Variants in NPL observed in about 807,000 individuals in gnomAD.
The protein encoded by NPL is N-acetylneuraminate lyase.
NPL carries 32 observed loss-of-function variants against 41.1 expected under a neutral mutation model. The ratio of observed to expected loss-of-function variants is 0.78; its 90% CI spans 0.59 to 1.05. NPL has a LOEUF of 1.05. Ranked by LOEUF, NPL falls within the 50% of genes least tolerant of loss-of-function variation. NPL has a pLI of 0.00. For missense variants in NPL, 321 were observed against 378.4 expected (o/e 0.85, Z 1.26); for synonymous variants, 128 against 134.9 (o/e 0.95, Z 0.35).
chr1:182,812,912 T>G (rs1049142765), intron 6 of NPL, among the ~76,000 whole-genome samples: 5 of 152,026 alleles, frequency 3.3e-5, no homozygotes, highest in Non-Finnish European at 5.9e-5. Context: ...GCACACACTT[T>G]GGGAGGCCGA....
chr1:182,794,329 A>G, intron 2 of NPL, 27 bp from the exon 3 acceptor site: 2 of 1,580,550 alleles, frequency 1.3e-6, no homozygotes, highest in Non-Finnish European at 1.7e-6. Flanking sequence ...TTGAAGAAAG[A>G]GAGAAATTAC....
Position 182,818,522 on chromosome 1 carries a change from C to G in NPL, c.458-19C>G, listed in dbSNP as rs1667397775. On this transcript the variant is annotated intron_variant, in intron 8 of 12. Transcript: ENST00000367553. ...CCTAGAGATGTGCAGATTAATGAGG[C>G]ACTTATTATTTTGAGCAGTTCGTGC... 3 of 1,613,262 alleles carry G rather than the reference C, an allele frequency of 1.9e-6. No homozygotes were observed. The South Asian group carries it at 3.3e-5, about 18-fold the overall frequency.
In NPL at chr1:182,828,812, C is replaced by T; in HGVS notation, c.867C>T (p.Ser289=). 1 of 1,614,166 alleles carries T rather than the reference C, an allele frequency of 6.2e-7. No homozygotes were observed. Reference sequence around the variant, plus strand: ...CCCGGCTTCCACTGCAGAAAGCCTCCAGGGAGTTTACTGATAGTGCTGAAG... The same window carrying T: ...CCCGGCTTCCACTGCAGAAAGCCTCTAGGGAGTTTACTGATAGTGCTGAAG... ...GPPRLPLQKA[S]REFTDSAEAK... The change falls in exon 13 of 13, where the codon TCC becomes TCT. Residue 289 remains serine, a synonymous_variant. Transcript: ENST00000367553. The surrounding 1 kb of genome is among the most constrained non-coding windows in gnomAD (Gnocchi z 4.0).
intron 5 of NPL, chr1:182,806,570 T>C: frequency 3.3e-6 from 5 of 1,532,108 alleles, no homozygotes; most frequent in Non-Finnish European, 3.5e-6. Flanking sequence ...GCTGGTCACT[T>C]GGCTCTTCCA....
At chr1:182,790,655 G>GTTT (rs869028259) in intron 1 of NPL, among the ~76,000 whole-genome samples, 2 of 142,166 alleles carry the variant, frequency 1.4e-5, no homozygotes, top group African/African-American at 5.7e-5. Flanking sequence ...TGTTGTTGTT[G>GTTT]TTTTTGAGAC....
In NPL at chr1:182,828,936, C is replaced by T. The variant is rs1270450960; in HGVS notation, c.*28C>T. ...CCTCTCTATCAAATCAGGGTTTGCA[C>T]CTTGAGACATAATCTACCTTAAATA... On this transcript the variant is annotated 3_prime_UTR_variant, in exon 13 of 13. Transcript: ENST00000367553. This position sits in a 1 kb window ranked among gnomAD's most constrained non-coding sequence, Gnocchi z 4.0. 6.8e-6 allele frequency: 11 copies of T among 1,613,578 alleles called. No homozygotes were observed. The highest frequency in any genetic ancestry group is 2.7e-5 in the African/African-American group (2 of 74,934).
At chr1:182,814,990 G>A (rs1571267583) in intron 7 of NPL, 132 bp downstream of exon 7, 1 of 710,772 alleles carries the variant, frequency 1.4e-6, no homozygotes, top group East Asian at 2.7e-5. Context: ...ATGGTACAGT[G>A]GTTCTCTGAA....
intron 8 of NPL, 84 bp downstream of exon 8, chr1:182,816,890 C>T (rs1667349539): frequency 1.5e-5 from 16 of 1,046,762 alleles, no homozygotes; most frequent in Non-Finnish European, 2.0e-5. Flanking sequence ...CTCCATCCCA[C>T]CCTACCCCAT....
At position 182,800,384 on chromosome 1, in the gene NPL, C is replaced by T. The variant is rs150413501; in HGVS notation, c.69-3314C>T. 3.0e-3 allele frequency among the ~76,000 whole-genome samples: 407 copies of T among 136,494 alleles called. 2 individuals are homozygous for T. Among genetic ancestry groups the T allele is most frequent in the African/African-American group, 0.011 (386 of 36,404 alleles). The allele number at this position is 136,494 out of a possible 152,430, so 89.5% of individuals were successfully genotyped here. A position where few individuals can be genotyped will look rare whatever the true frequency, so the allele number is the denominator to read the frequency against. Reference sequence around the variant, plus strand: ...CTGGGAGATTGAGGCTGTAGTGAGCCGTGATTGTGCCACTGTATTCCAGCC... The same window carrying T: ...CTGGGAGATTGAGGCTGTAGTGAGCTGTGATTGTGCCACTGTATTCCAGCC... On this transcript the variant is annotated intron_variant, in intron 3 of 12. Transcript: ENST00000367553.
chr1:182,828,577 G>A lies in NPL; in HGVS notation c.779-147G>A, dbSNP rs1667689771. The A allele has an allele frequency of 9.9e-7, 1 of 1,012,940 alleles. No individual in the cohort carries two copies. The highest frequency in any genetic ancestry group is 1.5e-6 in the Non-Finnish European group (1 of 670,892). 62.7% of individuals were successfully genotyped at this position (1,012,940 alleles called of 1,614,324 possible). On this transcript the variant is annotated intron_variant, in intron 12 of 12. Transcript: ENST00000367553. This position sits in a 1 kb window ranked among gnomAD's most constrained non-coding sequence, Gnocchi z 4.0. ...AGGGATTTCGAATGATTGCTCATCT[G>A]TCATATTGACTAGAAATGTTCCCAT...
intron 3 of NPL, chr1:182,795,592 G>T (rs746679811): frequency 1.1e-4 from 16 of 152,142 alleles, no homozygotes; most frequent in Non-Finnish European, 1.9e-4. Flanking sequence ...TCTCCAATGA[G>T]TCCAAGACTT....
At chr1:182,791,141 T>C (rs1666504506) in intron 1 of NPL, 1 of 152,140 alleles carries the variant, frequency 6.6e-6, no homozygotes, top group African/African-American at 2.4e-5. Flanking sequence ...AGCCACTGTT[T>C]GGGGGAATTC....
At chr1:182,793,966 T>C (rs145117550) in intron 2 of NPL, among the ~76,000 whole-genome samples, 1 of 152,336 alleles carries the variant, frequency 6.6e-6, no homozygotes, top group African/African-American at 2.4e-5. Flanking sequence ...GATTTTGGTA[T>C]ACACGAAGGT....
At chr1:182,812,352 C>T in intron 6 of NPL, 139 bp downstream of exon 6, 1 of 766,210 alleles carries the variant, frequency 1.3e-6, no homozygotes, top group Non-Finnish European at 2.3e-6. Context: ...GGGCTTACTG[C>T]ATAGAAGCAG....
intron 5 of NPL, among the ~76,000 whole-genome samples, chr1:182,807,908 A>G (rs1571438429): frequency 6.7e-6 from 1 of 150,268 alleles, no homozygotes; most frequent in Non-Finnish European, 1.5e-5. Flanking sequence ...AAAAAAAAAA[A>G]AGAACAGTAC....
chr1:182,799,333 A>T (rs546882741), intron 3 of NPL, among the ~76,000 whole-genome samples: 36 of 152,334 alleles, frequency 2.4e-4, no homozygotes, highest in African/African-American at 8.7e-4. Context: ...AAGTAATTAT[A>T]CTCATCCATA....
intron 11 of NPL, among the ~76,000 whole-genome samples, chr1:182,822,628 G>T (rs1667520261): frequency 6.6e-6 from 1 of 152,200 alleles, no homozygotes; most frequent in Non-Finnish European, 1.5e-5. Flanking sequence ...GGGCAGGTCA[G>T]TCTTGTCCAC....
intron 5 of NPL, among the ~76,000 whole-genome samples, chr1:182,811,032 G>A (rs1016224516): frequency 6.6e-6 from 1 of 151,806 alleles, no homozygotes; most frequent in African/African-American, 2.4e-5. Context: ...TTCACCATTG[G>A]CATCTTGATT....
chr1:182,807,638 A>T (rs1667054000), intron 5 of NPL, among the ~76,000 whole-genome samples: 1 of 149,874 alleles, frequency 6.7e-6, no homozygotes, highest in African/African-American at 2.5e-5. Context: ...GCACTTTGGG[A>T]GGCCAAGGCG....
Sources: allele counts gnomAD v4.1 joint callset (sites outside exome capture counted in the v4.1 genomes callset), GRCh38; gene constraint gnomAD v4.1.1; non-coding constraint Gnocchi (gnomAD v3.1); transcripts MANE v1.5; gene names NCBI Gene and HGNC (gene_info 2026-07-23, HGNC 2026-07-21).